GARNL3: variants seen among roughly 807,000 people sequenced by gnomAD.
The protein encoded by GARNL3 is GTPase activating Rap/RanGAP domain like 3.
A neutral mutation model predicts 125.0 loss-of-function variants in GARNL3; 63 were observed. The observed-to-expected ratio is 0.50, with a 90% CI of 0.41 to 0.62. The LOEUF (loss-of-function observed/expected upper bound fraction) is 0.62. Ranked by LOEUF, GARNL3 falls within the 20% of genes least tolerant of loss-of-function variation. GARNL3 has a pLI of 0.00. For missense variants in GARNL3, 994 were observed against 1,244.0 expected, an observed-to-expected ratio of 0.80 and a Z score of 3.02; for synonymous variants, 439 against 457.5, an observed-to-expected ratio of 0.96 and a Z score of 0.52.
intron 22 of GARNL3, among the ~76,000 whole-genome samples, chr9:127,367,813 G>T (rs1265020978): frequency 6.6e-6 from 1 of 151,922 alleles, no homozygotes; most frequent in Non-Finnish European, 1.5e-5. Context: ...ACCTCACTAA[G>T]TCTTCACTTT....
chr9:127,255,496 A>T (rs183209027), intron 2 of GARNL3, among the ~76,000 whole-genome samples: 1 of 152,356 alleles, frequency 6.6e-6, no homozygotes, highest in African/African-American at 2.4e-5. Context: ...AGCAGGCAGT[A>T]TAAGTCCAAT....
At chr9:127,230,732 C>CT in intron 1 of GARNL3, among the ~76,000 whole-genome samples, 1 of 151,098 alleles carries the variant, frequency 6.6e-6, no homozygotes, top group South Asian at 2.1e-4. Flanking sequence ...GAAACTTCGG[C>CT]TTTGTCTATT....
At chr9:127,291,875 C>T (rs1306557547) in intron 2 of GARNL3, among the ~76,000 whole-genome samples, 1 of 152,058 alleles carries the variant, frequency 6.6e-6, no homozygotes. Flanking sequence ...AGTTCCCTGA[C>T]CCTGACCCTG....
At chr9:127,262,041 G>GT (rs1409867308), upstream of GARNL3, among the ~76,000 whole-genome samples, 2 of 152,138 alleles carry the variant, frequency 1.3e-5, no homozygotes, top group Non-Finnish European at 2.9e-5. Flanking sequence ...GACTGCAGGT[G>GT]TAAGTTTTAC....
intron 26 of GARNL3, among the ~76,000 whole-genome samples, 154 bp downstream of exon 26, chr9:127,389,273 A>C (rs1251361466): frequency 6.6e-6 from 1 of 152,228 alleles, no homozygotes; most frequent in Non-Finnish European, 1.5e-5. Context: ...TATACCAAGG[A>C]ATACACTATA....
intron 2 of GARNL3, among the ~76,000 whole-genome samples, chr9:127,297,741 T>C (rs2064647712): frequency 6.6e-6 from 1 of 152,244 alleles, no homozygotes; most frequent in African/African-American, 2.4e-5. Context: ...TTTTAAAATT[T>C]ACATCTTTAT....
At chr9:127,329,215 A>G (rs1829067433) in intron 7 of GARNL3, among the ~76,000 whole-genome samples, 1 of 152,250 alleles carries the variant, frequency 6.6e-6, no homozygotes, top group Non-Finnish European at 1.5e-5. Context: ...AGGTTCAAGT[A>G]CTTAACAAGT....
In GARNL3 at chr9:127,391,533, A is replaced by AAAAAAAAAAAAAAATATATATATATAT; in HGVS notation, c.2870+767_2870+768insAAAAAAAAAAAAATATATATATATATA. ...GCAAGACCCATCTCTACAAAAAAAAAATATATATATATATATATAGGCTGG... is the reference window on the plus strand; with the variant it reads ...GCAAGACCCATCTCTACAAAAAAAAAAAAAAAAAAAAAAATATATATATATATATATATATATATATATATAGGCTGG... On this transcript the variant is annotated intron_variant, in intron 27 of 27. Coordinates refer to ENST00000373387, the MANE Select transcript of GARNL3 (RefSeq NM_032293.5). Among the ~76,000 whole-genome samples the AAAAAAAAAAAAAAATATATATATATAT allele has an allele frequency of 3.8e-4, 29 of 75,838 alleles. 1 individual carries two copies. The highest frequency in any genetic ancestry group is 7.3e-4 in the Non-Finnish European group (23 of 31,432). The allele number at this position is 75,838 out of a possible 152,430, so 49.8% of individuals were successfully genotyped here. A position where few individuals can be genotyped will look rare whatever the true frequency, so the allele number is the denominator to read the frequency against.
chr9:127,247,534 T>C (rs2063324237), intron 2 of GARNL3, among the ~76,000 whole-genome samples: 1 of 152,212 alleles, frequency 6.6e-6, no homozygotes, highest in Admixed American at 6.5e-5. Context: ...TTTTGATCTT[T>C]TGAGCAAAGT....
intron 1 of GARNL3, among the ~76,000 whole-genome samples, chr9:127,231,116 G>T (rs1401434014): frequency 7.2e-6 from 1 of 138,084 alleles, no homozygotes; most frequent in Non-Finnish European, 1.5e-5. Context: ...GTGCAGTGGC[G>T]CTATCTCGGC....
intron 1 of GARNL3, among the ~76,000 whole-genome samples, chr9:127,269,493 A>G (rs2063771333): frequency 6.6e-6 from 1 of 152,202 alleles, no homozygotes; most frequent in Non-Finnish European, 1.5e-5. Context: ...GAAACTGCCA[A>G]ACTTGTTTCC....
At position 127,353,856 on chromosome 9, in the gene GARNL3, ATCAGTGCCC is replaced by A; in HGVS notation, c.1555_1563del (p.Ser519_Pro521del). Reference sequence around the variant, plus strand: ...GGTTTCCTTTTCCAGATGACCTTCCATCAGTGCCCGTGTTTGACAGAACTCTGCCAGTGA... The same window carrying A: ...GGTTTCCTTTTCCAGATGACCTTCCAGTGTTTGACAGAACTCTGCCAGTGA... On this transcript the variant is annotated inframe_deletion, in exon 18 of 28. Coordinates refer to ENST00000373387, the MANE Select transcript of GARNL3 (RefSeq NM_032293.5). The A allele has an allele frequency of 6.2e-7, 1 of 1,612,078 alleles. No homozygotes were observed. Among genetic ancestry groups the A allele is most frequent in the Non-Finnish European group, 8.5e-7 (1 of 1,178,132 alleles).
At chr9:127,358,526 T>G (rs1325391977) in intron 21 of GARNL3, among the ~76,000 whole-genome samples, 1 of 152,264 alleles carries the variant, frequency 6.6e-6, no homozygotes, top group Admixed American at 6.5e-5. Flanking sequence ...AAATATGCTC[T>G]GTATAAATAT....
At chr9:127,290,322 C>G (rs1313442540) in intron 1 of GARNL3, among the ~76,000 whole-genome samples, 1 of 152,086 alleles carries the variant, frequency 6.6e-6, no homozygotes, top group East Asian at 1.9e-4. Flanking sequence ...ATCTCTTAAG[C>G]ACTAGTGAAA....
chr9:127,300,783 T>A, intron 2 of GARNL3: 1 of 378,456 alleles, frequency 2.6e-6, no homozygotes, highest in Non-Finnish European at 5.1e-6. Flanking sequence ...TACAGTAAGT[T>A]TTGCAGATTC....
intron 27 of GARNL3, among the ~76,000 whole-genome samples, chr9:127,391,643 A>G (rs1421652577): frequency 1.4e-5 from 2 of 140,890 alleles, no homozygotes; most frequent in African/African-American, 5.2e-5. Context: ...CAAGGCTGCA[A>G]TGAGCCATGA....
chr9:127,240,562 C>T (rs1424794760), intron 1 of GARNL3, among the ~76,000 whole-genome samples: 1 of 152,172 alleles, frequency 6.6e-6, no homozygotes, highest in Non-Finnish European at 1.5e-5. Flanking sequence ...AAATATAAAG[C>T]AACCTACATA....
intron 2 of GARNL3, among the ~76,000 whole-genome samples, 200 bp from the exon 3 acceptor site, chr9:127,311,436 C>G (rs2065095516): frequency 6.6e-6 from 1 of 152,102 alleles, no homozygotes; most frequent in South Asian, 2.1e-4. Context: ...GTTATTTTTC[C>G]TACACCCCAA....
chr9:127,301,724 C>G (rs1324658031), intron 2 of GARNL3, among the ~76,000 whole-genome samples: 1 of 152,070 alleles, frequency 6.6e-6, no homozygotes, highest in Non-Finnish European at 1.5e-5. Context: ...ACCCACTAAG[C>G]AGCTTTATTT....
Sources: gnomAD v4.1 joint callset for allele counts (sites outside exome capture counted in the v4.1 genomes callset) on GRCh38, gnomAD v4.1.1 for gene constraint, MANE v1.5 for transcripts, NCBI Gene and HGNC (gene_info 2026-07-23, HGNC 2026-07-21) for gene names.